Variants in KIF6 observed in about 807,000 individuals in gnomAD.
KIF6 encodes the protein kinesin-like protein KIF6.
A neutral mutation model predicts 112.7 loss-of-function variants in KIF6; 106 were observed. The observed-to-expected ratio is 0.94, with a 90% CI of 0.80 to 1.11. KIF6 has a LOEUF of 1.11. Among genes scored for constraint, KIF6 ranks in the 50% least tolerant of loss-of-function variants. The probability of loss-of-function intolerance (pLI) is 0.00; values close to 1 mark genes in which losing one functional copy is unlikely to be tolerated. For missense variants in KIF6, 929 were observed against 964.0 expected (o/e 0.96, Z 0.48); for synonymous variants, 339 against 339.9 (o/e 1.00, Z 0.03).
chr6:39,621,542 A>G (rs1194197436), intron 5 of KIF6, among the ~76,000 whole-genome samples: 1 of 152,244 alleles, frequency 6.6e-6, no homozygotes, highest in Non-Finnish European at 1.5e-5. Context: ...TGTTGAGAAA[A>G]AAATCATGTA....
chr6:39,532,950 G>A (rs777765562), intron 13 of KIF6, among the ~76,000 whole-genome samples: 1 of 152,174 alleles, frequency 6.6e-6, no homozygotes, highest in Non-Finnish European at 1.5e-5. Context: ...AAACACACGC[G>A]AATGAACTTG....
intron 13 of KIF6, among the ~76,000 whole-genome samples, chr6:39,441,326 GAC>G (rs951041158): frequency 6.6e-6 from 1 of 152,172 alleles, no homozygotes; most frequent in African/African-American, 2.4e-5. Context: ...CCAATTAAAT[GAC>G]AACTGCCATT....
At chr6:39,451,420 T>C (rs1056638533) in intron 13 of KIF6, among the ~76,000 whole-genome samples, 1 of 152,244 alleles carries the variant, frequency 6.6e-6, no homozygotes, top group Admixed American at 6.5e-5. Flanking sequence ...TTCTGTAGGC[T>C]GGATTCTCAG....
intron 6 of KIF6, among the ~76,000 whole-genome samples, chr6:39,611,209 G>A (rs767556420): frequency 9.2e-5 from 14 of 152,286 alleles, no homozygotes; most frequent in Non-Finnish European, 2.1e-4. Context: ...TTGGCAGGCT[G>A]AGGCACAAGA....
intron 10 of KIF6, among the ~76,000 whole-genome samples, chr6:39,555,227 C>A (rs1339371385): frequency 6.6e-6 from 1 of 152,158 alleles, no homozygotes; most frequent in Non-Finnish European, 1.5e-5. Flanking sequence ...CTGGAGCCCT[C>A]CCCAAGCCCA....
intron 16 of KIF6, among the ~76,000 whole-genome samples, chr6:39,382,796 A>G: frequency 6.6e-6 from 1 of 151,980 alleles, no homozygotes. Flanking sequence ...CAGTGTATAA[A>G]TATACCCTTT....
intron 13 of KIF6, among the ~76,000 whole-genome samples, chr6:39,443,114 A>AAATAATAATAAT (rs370011414): frequency 4.8e-4 from 63 of 131,562 alleles, no homozygotes; most frequent in South Asian, 5.4e-4. Context: ...ACTGCATCTC[A>AAATAATAATAAT]AATAATAATA....
At chr6:39,422,224 C>A (rs556845535) in intron 14 of KIF6, among the ~76,000 whole-genome samples, 39 of 152,292 alleles carry the variant, frequency 2.6e-4, no homozygotes, top group African/African-American at 6.5e-4. Flanking sequence ...GAAGGACTTT[C>A]CACCGCAGTG....
chr6:39,616,837 G>C (rs1332014208), intron 5 of KIF6, among the ~76,000 whole-genome samples: 1 of 152,200 alleles, frequency 6.6e-6, no homozygotes, highest in East Asian at 1.9e-4. Context: ...TCTACTGCCA[G>C]TGAAATGGTT....
At chr6:39,692,490 T>A (rs546173473) in intron 3 of KIF6, among the ~76,000 whole-genome samples, 3 of 152,338 alleles carry the variant, frequency 2.0e-5, no homozygotes, top group Admixed American at 6.5e-5. Context: ...TTGAGGTCAC[T>A]ATAATAGATA....
intron 6 of KIF6, among the ~76,000 whole-genome samples, chr6:39,610,405 T>C (rs544987892): frequency 6.6e-6 from 1 of 152,362 alleles, no homozygotes; most frequent in East Asian, 1.9e-4. Flanking sequence ...CACTCCACTT[T>C]GTGTCCCACA....
chr6:39,564,288 G>C (rs533336710), intron 10 of KIF6, among the ~76,000 whole-genome samples: 1 of 152,306 alleles, frequency 6.6e-6, no homozygotes, highest in South Asian at 2.1e-4. Context: ...TGAGGATGTG[G>C]CAAAAGTCGT....
intron 19 of KIF6, among the ~76,000 whole-genome samples, chr6:39,348,399 C>T (rs1475238959): frequency 6.6e-5 from 10 of 152,090 alleles, no homozygotes; most frequent in African/African-American, 2.4e-4. Flanking sequence ...GGCCCAGCTG[C>T]CCCACCTCAT....
intron 5 of KIF6, among the ~76,000 whole-genome samples, chr6:39,630,302 T>C (rs1784291059): frequency 1.3e-5 from 2 of 152,086 alleles, no homozygotes; most frequent in Admixed American, 1.3e-4. Context: ...CTTAACAATA[T>C]TGAGTCTTCT....
rs302585 is a variant in KIF6, at chr6:39,712,465, A to T, written c.251+2227T>A. ...TGCCTGTCGTTTTTGAAACCTTGTT[A>T]TCATGGAGTTTATCACATCAGTGAA... is the stretch of plus-strand genomic sequence containing the variant. On this transcript the variant is annotated intron_variant, in intron 3 of 22. Transcript: ENST00000287152. 2.1e-3 allele frequency among the ~76,000 whole-genome samples: 318 copies of T among 152,310 alleles called. 2 individuals carry two copies. Among genetic ancestry groups the T allele is most frequent in the African/African-American group, 7.3e-3 (304 of 41,562 alleles).
chr6:39,420,837 T>C (rs1770310919), intron 14 of KIF6, among the ~76,000 whole-genome samples: 1 of 152,218 alleles, frequency 6.6e-6, no homozygotes, highest in South Asian at 2.1e-4. Context: ...AGTCCTTCCC[T>C]GTATTATGAG....
At chr6:39,435,827 C>T (rs1396900883) in intron 13 of KIF6, among the ~76,000 whole-genome samples, 1 of 152,136 alleles carries the variant, frequency 6.6e-6, no homozygotes, top group Non-Finnish European at 1.5e-5. Context: ...TAAACATATG[C>T]ATCCAGGTGT....
chr6:39,394,762 T>A, intron 15 of KIF6, among the ~76,000 whole-genome samples: 1 of 152,234 alleles, frequency 6.6e-6, no homozygotes, highest in East Asian at 1.9e-4. Context: ...TTCTCCAGAA[T>A]TCAAGATTCT....
intron 6 of KIF6, among the ~76,000 whole-genome samples, chr6:39,596,861 A>T (rs1464911666): frequency 6.6e-6 from 1 of 152,204 alleles, no homozygotes; most frequent in Non-Finnish European, 1.5e-5. Flanking sequence ...TGGCTTAAGA[A>T]CTAAAAAGTT....
Sources: allele counts gnomAD v4.1 joint callset (sites outside exome capture counted in the v4.1 genomes callset), GRCh38; gene constraint gnomAD v4.1.1; transcripts MANE v1.5; gene names NCBI Gene and HGNC (gene_info 2026-07-23, HGNC 2026-07-21).